ERP44: variants seen among roughly 807,000 people sequenced by gnomAD.
ERP44 encodes endoplasmic reticulum protein 44.
In ERP44, 25 loss-of-function variants were observed where a neutral mutation model predicts 53.4. That is an observed-to-expected ratio of 0.47 (90% CI 0.34 to 0.65). The LOEUF (loss-of-function observed/expected upper bound fraction) is 0.65. Among genes scored for constraint, ERP44 ranks in the 30% least tolerant of loss-of-function variants. ERP44 has a pLI of 0.01. For synonymous variants in ERP44, 145 were observed against 161.2 expected, an observed-to-expected ratio of 0.90 and a Z score of 0.76; for missense variants, 338 against 493.2, an observed-to-expected ratio of 0.69 and a Z score of 2.98.
intron 6 of ERP44, 109 bp downstream of exon 6, chr9:100,020,507 G>A: frequency 4.7e-6 from 3 of 637,896 alleles, no homozygotes; most frequent in Non-Finnish European, 8.5e-6. Flanking sequence ...ATTTTAAAAG[G>A]ATTGAGATCA....
chr9:99,984,855 C>A, intron 11 of ERP44, 112 bp downstream of exon 11: 1 of 612,580 alleles, frequency 1.6e-6, no homozygotes, highest in Non-Finnish European at 2.9e-6. Flanking sequence ...TTTCTCTACA[C>A]AAATATTCAG....
chr9:100,096,641 A>C (rs1314195337), intron 1 of ERP44, among the ~76,000 whole-genome samples: 1 of 152,154 alleles, frequency 6.6e-6, no homozygotes, highest in Non-Finnish European at 1.5e-5. Context: ...TGAGGTACAA[A>C]GTGCCTGAAG....
intron 4 of ERP44, among the ~76,000 whole-genome samples, chr9:100,033,616 C>T (rs1216497157): frequency 1.3e-5 from 2 of 152,152 alleles, no homozygotes; most frequent in Non-Finnish European, 2.9e-5. Flanking sequence ...GCAAAGCAGT[C>T]TTACCATGAT....
At position 99,993,071 on chromosome 9, in the gene ERP44, A is replaced by G. The variant is rs1458780594; in HGVS notation, c.1017-8002T>C. Among the ~76,000 whole-genome samples, 3 of 152,184 alleles carry G rather than the reference A, an allele frequency of 2.0e-5. No individual in the cohort carries two copies. The East Asian group carries it at 5.8e-4, about 29-fold the overall frequency. ...CGTGGATAGGAAGAATCAATATCAT[A>G]AAAATGGCCATACTGCCCAAGGTAA... is the stretch of plus-strand genomic sequence containing the variant. On this transcript the variant is annotated intron_variant, in intron 10 of 11. Coordinates refer to ENST00000262455, the MANE Select transcript of ERP44 (RefSeq NM_015051.3).
At position 99,980,270 on chromosome 9, in the gene ERP44, A is replaced by G; in HGVS notation, c.*2342T>C. 1 of 389,134 alleles carries G rather than the reference A, an allele frequency of 2.6e-6. No homozygotes were observed. The highest frequency in any genetic ancestry group is 4.4e-5 in the Admixed American group (1 of 22,476). 24.1% of individuals were successfully genotyped at this position (389,134 alleles called of 1,614,324 possible). On this transcript the variant is annotated 3_prime_UTR_variant, in exon 12 of 12. Coordinates refer to ENST00000262455, the MANE Select transcript of ERP44 (RefSeq NM_015051.3). The stretch of plus-strand genomic sequence containing the variant: ...TGTGAACAACTCTAGGGCAGAAATA[A>G]TGCTTTATTCAGCTTTACATCTTTC...
intron 4 of ERP44, 30 bp downstream of exon 4, chr9:100,052,387 C>A: frequency 8.3e-7 from 1 of 1,209,648 alleles, no homozygotes; most frequent in South Asian, 1.6e-5. Flanking sequence ...ATGGGACAGT[C>A]TCTTCTAGAC....
At chr9:100,087,240 A>T (rs1826495445) in intron 1 of ERP44, among the ~76,000 whole-genome samples, 1 of 152,120 alleles carries the variant, frequency 6.6e-6, no homozygotes, top group African/African-American at 2.4e-5. Flanking sequence ...TAATTAAAAT[A>T]CAGTTATAAA....
intron 4 of ERP44, among the ~76,000 whole-genome samples, chr9:100,036,831 C>A (rs1027141973): frequency 3.4e-5 from 5 of 146,564 alleles, no homozygotes; most frequent in African/African-American, 1.2e-4. Context: ...GAGAGTAGAA[C>A]TGTGGTTATT....
intron 10 of ERP44, chr9:99,998,995 T>A: frequency 7.9e-7 from 1 of 1,262,980 alleles, no homozygotes; most frequent in Non-Finnish European, 1.2e-6. Flanking sequence ...GGCAAAGAAC[T>A]GGAAGTAGTC....
chr9:100,068,046 G>A lies in ERP44; in HGVS notation c.58-7874C>T, dbSNP rs1397797387. ...AGGGAGGTGGGGGGGTCAGTCCCCCGCCCGGCCAGCCGCCCCATCCGGGAG... is the reference window on the plus strand; with the variant it reads ...AGGGAGGTGGGGGGGTCAGTCCCCCACCCGGCCAGCCGCCCCATCCGGGAG... On this transcript the variant is annotated intron_variant, in intron 1 of 11. Coordinates refer to ENST00000262455, the MANE Select transcript of ERP44 (RefSeq NM_015051.3). Among the ~76,000 whole-genome samples, 9 of 149,118 alleles carry A rather than the reference G, an allele frequency of 6.0e-5. No individual in the cohort carries two copies. The South Asian group carries it at 1.1e-3, about 18-fold the overall frequency.
chr9:100,038,933 A>G (rs773321584), intron 4 of ERP44, among the ~76,000 whole-genome samples: 9 of 152,228 alleles, frequency 5.9e-5, no homozygotes, highest in Admixed American at 1.3e-4. Context: ...AAATGGGTCA[A>G]TTCAGCAAGA....
chr9:100,070,657 C>T (rs780443249), intron 1 of ERP44, among the ~76,000 whole-genome samples: 9 of 152,204 alleles, frequency 5.9e-5, no homozygotes, highest in Admixed American at 1.3e-4. Context: ...AAACAGAAAG[C>T]ACCACTTGTA....
intron 1 of ERP44, among the ~76,000 whole-genome samples, chr9:100,061,327 C>G (rs1826146156): frequency 6.6e-6 from 1 of 151,680 alleles, no homozygotes; most frequent in Non-Finnish European, 1.5e-5. Flanking sequence ...GCCCGTAGTC[C>G]CAGCTGCTCG....
intron 1 of ERP44, among the ~76,000 whole-genome samples, chr9:100,091,204 G>A (rs1440425090): frequency 6.6e-6 from 1 of 152,194 alleles, no homozygotes; most frequent in Non-Finnish European, 1.5e-5. Flanking sequence ...ACATAATGAT[G>A]AAATCTCAGG....
chr9:100,094,699 T>C (rs1826603354), intron 1 of ERP44, among the ~76,000 whole-genome samples: 1 of 152,034 alleles, frequency 6.6e-6, no homozygotes, highest in South Asian at 2.1e-4. Context: ...TCTGCCACAG[T>C]GGCTCATTCC....
intron 10 of ERP44, among the ~76,000 whole-genome samples, chr9:100,002,706 T>G (rs149605747): frequency 4.6e-5 from 7 of 151,868 alleles, no homozygotes; most frequent in South Asian, 2.1e-4. Flanking sequence ...GCTGCTTTCA[T>G]AATCTTCTCT....
At chr9:100,005,981 T>A (rs372113537) in intron 10 of ERP44, among the ~76,000 whole-genome samples, 7 of 152,202 alleles carry the variant, frequency 4.6e-5, no homozygotes, top group African/African-American at 1.4e-4. Context: ...ACTATAAATA[T>A]CTGAGAATTG....
At chr9:100,053,721 G>A (rs79854107) in intron 3 of ERP44, among the ~76,000 whole-genome samples, 3 of 152,308 alleles carry the variant, frequency 2.0e-5, no homozygotes, top group East Asian at 3.8e-4. Flanking sequence ...GGATGACTAT[G>A]TTCTAGGTAA....
chr9:99,992,816 A>G (rs1371492936), intron 10 of ERP44, among the ~76,000 whole-genome samples: 1 of 152,246 alleles, frequency 6.6e-6, no homozygotes, highest in Non-Finnish European at 1.5e-5. Context: ...AACTTCAGCA[A>G]AGTCTTGGGA....
Sources: gnomAD v4.1 joint callset for allele counts (sites outside exome capture counted in the v4.1 genomes callset) on GRCh38, gnomAD v4.1.1 for gene constraint, MANE v1.5 for transcripts, NCBI Gene and HGNC (gene_info 2026-07-23, HGNC 2026-07-21) for gene names.